SHTN1: variants seen among roughly 807,000 people sequenced by gnomAD.
SHTN1 encodes the protein shootin-1.
A neutral mutation model predicts 83.1 loss-of-function variants in SHTN1; 42 were observed. That is an observed-to-expected ratio of 0.51 (90% CI 0.39 to 0.65). SHTN1 has a LOEUF of 0.65. Ranked by LOEUF, SHTN1 falls within the 30% of genes least tolerant of loss-of-function variation. SHTN1 has a pLI of 0.00. For synonymous variants in SHTN1, 224 were observed against 247.7 expected (o/e 0.90, Z 0.90); for missense variants, 622 against 737.8 (o/e 0.84, Z 1.82).
intron 2 of SHTN1, among the ~76,000 whole-genome samples, chr10:117,047,903 C>CA (rs58029184): frequency 0.017 from 2,309 of 139,492 alleles, 36 homozygotes; most frequent in African/African-American, 0.033. Flanking sequence ...AGGCATGAGC[C>CA]AAAAAAAAAA....
chr10:116,951,819 T>A (rs1212958762), intron 6 of SHTN1, 90 bp downstream of exon 6: 3 of 543,014 alleles, frequency 5.5e-6, no homozygotes, highest in Non-Finnish European at 9.6e-6. Flanking sequence ...ATGTTAGAAA[T>A]TGGCTTATAA....
intron 1 of SHTN1, among the ~76,000 whole-genome samples, chr10:117,111,948 T>G (rs1853773740): frequency 6.6e-6 from 1 of 151,760 alleles, no homozygotes; most frequent in Non-Finnish European, 1.5e-5. Flanking sequence ...CATACCAGTG[T>G]TTTGGTTTTT....
At chr10:117,046,665 T>C (rs1291185770) in intron 2 of SHTN1, among the ~76,000 whole-genome samples, 1 of 152,210 alleles carries the variant, frequency 6.6e-6, no homozygotes, top group Admixed American at 6.5e-5. Flanking sequence ...GATATATCCA[T>C]ACAGTGAAAT....
At chr10:116,972,726 A>C (rs1412045677) in intron 2 of SHTN1, among the ~76,000 whole-genome samples, 1 of 152,196 alleles carries the variant, frequency 6.6e-6, no homozygotes, top group Admixed American at 6.5e-5. Flanking sequence ...TCTTGGGCCT[A>C]CATCACTTAA....
chr10:117,091,227 C>T (rs936972294), intron 1 of SHTN1, among the ~76,000 whole-genome samples: 2 of 152,182 alleles, frequency 1.3e-5, no homozygotes, highest in Non-Finnish European at 2.9e-5. Context: ...ATCGAGCTTA[C>T]GCGTTGTGCC....
At chr10:117,058,030 G>A (rs561095091) in intron 1 of SHTN1, among the ~76,000 whole-genome samples, 18 of 152,190 alleles carry the variant, frequency 1.2e-4, no homozygotes, top group South Asian at 4.1e-4. Context: ...AAATTCACTC[G>A]AAATGCATCA....
chr10:116,928,702 C>T (rs894285740), intron 10 of SHTN1, among the ~76,000 whole-genome samples: 1 of 152,204 alleles, frequency 6.6e-6, no homozygotes, highest in South Asian at 2.1e-4. Flanking sequence ...TTTGTATTTA[C>T]CCTCAACACT....
intron 1 of SHTN1, among the ~76,000 whole-genome samples, chr10:117,106,053 T>C: frequency 6.6e-6 from 1 of 151,586 alleles, no homozygotes; most frequent in Non-Finnish European, 1.5e-5. Flanking sequence ...AAAGTTGGAG[T>C]GAGCCGAGGT....
At chr10:116,902,296 C>T (rs913502207) in intron 15 of SHTN1, among the ~76,000 whole-genome samples, 2 of 152,154 alleles carry the variant, frequency 1.3e-5, no homozygotes, top group East Asian at 1.9e-4. Context: ...CAGCCCTACT[C>T]GAACCATTTC....
At chr10:117,043,505 G>C (rs182741538) in intron 2 of SHTN1, among the ~76,000 whole-genome samples, 1 of 152,312 alleles carries the variant, frequency 6.6e-6, no homozygotes, top group East Asian at 1.9e-4. Context: ...ACTTTGTTAT[G>C]AAAACATTAT....
At chr10:116,994,866 TTAAA>T (rs34222876) in intron 1 of SHTN1, among the ~76,000 whole-genome samples, 145,659 of 151,950 alleles carry the variant, frequency 0.96, 70,114 homozygotes, top group Non-Finnish European at 1. Context: ...AAGTGACATA[TTAAA>T]TAAACCCATT....
rs535616290 is a variant in SHTN1 at position 116,946,417 on chromosome 10, T to G, written c.617-1399A>C. On this transcript the variant is annotated intron_variant, in intron 7 of 16. Transcript: ENST00000355371. ...TATGTATAAAAATATATGTATTATA[T>G]ATAATATTAAATGTAAATAAATGTA... Among the ~76,000 whole-genome samples, 3 of 146,342 alleles carry G rather than the reference T, an allele frequency of 2.0e-5. No homozygotes were observed. The South Asian group carries it at 6.3e-4, about 31-fold the overall frequency.
In SHTN1 at chr10:116,952,011, AT is replaced by A; in HGVS notation, c.437-6del. The A allele has an allele frequency of 7.0e-7, 1 of 1,436,072 alleles. No homozygotes were observed. The highest frequency in any genetic ancestry group is 9.3e-7 in the Non-Finnish European group (1 of 1,071,294). 89.0% of individuals were successfully genotyped at this position (1,436,072 alleles called of 1,614,324 possible). ...ATACAATTTGATCTCGAAGTTCTGC[AT>A]TTTTAAAGAAAAAAAATATATAAAT... On this transcript the variant is annotated splice_region_variant and splice_polypyrimidine_tract_variant and intron_variant, in intron 5 of 16. Coordinates refer to ENST00000355371, the MANE Select transcript of SHTN1 (RefSeq NM_001127211.3).
chr10:117,014,331 GGATA>G (rs1852149676), intron 2 of SHTN1, among the ~76,000 whole-genome samples: 1 of 152,148 alleles, frequency 6.6e-6, no homozygotes, highest in South Asian at 2.1e-4. Context: ...GGAAATCCCA[GGATA>G]GAATGCAGAA....
chr10:117,097,576 T>C (rs1301429547), intron 1 of SHTN1, among the ~76,000 whole-genome samples: 3 of 152,204 alleles, frequency 2.0e-5, no homozygotes, highest in African/African-American at 7.2e-5. Flanking sequence ...AGTTCACAGA[T>C]CAGCTTCATG....
At chr10:117,073,605 A>G (rs2133604947) in intron 1 of SHTN1, among the ~76,000 whole-genome samples, 1 of 152,316 alleles carries the variant, frequency 6.6e-6, no homozygotes, top group Admixed American at 6.5e-5. Flanking sequence ...TTAGCCTAAC[A>G]TCCAGAACAT....
upstream of SHTN1, among the ~76,000 whole-genome samples, chr10:117,010,416 AAAAAG>A (rs555154349): frequency 3.3e-4 from 50 of 152,278 alleles, no homozygotes; most frequent in Middle Eastern, 3.4e-3. Context: ...AAAGTATTAA[AAAAAG>A]AAAAGAAAAG....
At chr10:116,969,626 T>C (rs1043573334) in intron 2 of SHTN1, among the ~76,000 whole-genome samples, 2 of 152,130 alleles carry the variant, frequency 1.3e-5, no homozygotes, top group Non-Finnish European at 2.9e-5. Context: ...TTTAAAAAGG[T>C]GGGAGAACTC....
At chr10:117,010,461 G>A (rs968283281), upstream of SHTN1, among the ~76,000 whole-genome samples, 1 of 152,066 alleles carries the variant, frequency 6.6e-6, no homozygotes, top group African/African-American at 2.4e-5. Flanking sequence ...ATGAAAATAA[G>A]TTCAGGCCCA....
Sources: gnomAD v4.1 joint callset for allele counts (sites outside exome capture counted in the v4.1 genomes callset) on GRCh38, gnomAD v4.1.1 for gene constraint, MANE v1.5 for transcripts, NCBI Gene and HGNC (gene_info 2026-07-23, HGNC 2026-07-21) for gene names.